The following LAMC3 variants were observed in gnomAD, a reference collection of about 807,000 sequenced individuals.
The protein encoded by LAMC3 is laminin subunit gamma-3.
A neutral mutation model predicts 173.8 loss-of-function variants in LAMC3; 128 were observed. The observed-to-expected ratio is 0.74, with a 90% CI of 0.64 to 0.85. LAMC3 has a LOEUF of 0.85. Ranked by LOEUF, LAMC3 falls within the 40% of genes least tolerant of loss-of-function variation. The pLI is 0.00. For missense variants in LAMC3, 2,022 were observed against 2,156.0 expected (o/e 0.94, Z 1.23); for synonymous variants, 897 against 909.1 (o/e 0.99, Z 0.24).
chr9:131,087,515 C>T lies in LAMC3; in HGVS notation c.4270C>T (p.Arg1424Cys), dbSNP rs1239069996. The change falls in exon 26 of 28, where the codon CGC (arginine) becomes TGC (cysteine). Residue 1424 changes from arginine (R) to cysteine (C), a missense_variant. Transcript: ENST00000361069. ...ALLRERKQAH[R>C]RASRLTSQTQ... ...GCTGAGGGAGCGGAAACAGGCGCAC[C>T]GCCGTGCCAGCAGGCTCACCAGCCA... 12 of 1,613,692 alleles carry T rather than the reference C, an allele frequency of 7.4e-6. No individual in the cohort carries two copies. The highest frequency in any genetic ancestry group is 6.7e-5 in the East Asian group (3 of 44,898).
intron 9 of LAMC3, 31 bp downstream of exon 9, chr9:131,049,161 C>T (rs1030860771): frequency 7.5e-7 from 1 of 1,337,942 alleles, no homozygotes. Context: ...GGGCTGGCCG[C>T]CCTGTGTCGG....
intron 27 of LAMC3, among the ~76,000 whole-genome samples, chr9:131,089,916 G>A (rs1373149337): frequency 1.4e-5 from 2 of 146,388 alleles, no homozygotes; most frequent in Non-Finnish European, 3.0e-5. Flanking sequence ...TTGCCGTTTT[G>A]CAGATGAGGA....
intron 1 of LAMC3, among the ~76,000 whole-genome samples, chr9:131,018,143 T>C (rs1207277035): frequency 1.3e-5 from 2 of 151,568 alleles, no homozygotes; most frequent in Admixed American, 1.3e-4. Context: ...GATCTTTTTT[T>C]TTTTTTTTCT....
At chr9:131,054,572 G>C (rs553249471) in intron 11 of LAMC3, among the ~76,000 whole-genome samples, 2 of 152,074 alleles carry the variant, frequency 1.3e-5, no homozygotes, top group African/African-American at 2.4e-5. Flanking sequence ...TGGGCAATAT[G>C]GTGAAACCCC....
At chr9:131,048,047 ATTTTTTTTTTTT>A (rs59291636) in intron 8 of LAMC3, among the ~76,000 whole-genome samples, 4 of 53,392 alleles carry the variant, frequency 7.5e-5, no homozygotes, top group South Asian at 9.4e-4. Context: ...CACCCAGCTG[ATTTTTTTTTTTT>A]TTTTTTTTTT....
chr9:131,056,854 C>T, intron 11 of LAMC3, 75 bp from the exon 12 acceptor site: 1 of 1,189,424 alleles, frequency 8.4e-7, no homozygotes, highest in Non-Finnish European at 1.2e-6. Flanking sequence ...CATATGTGAA[C>T]AGGAAGGTTT....
chr9:131,035,679 T>C (rs1833930409), intron 3 of LAMC3, among the ~76,000 whole-genome samples: 1 of 152,108 alleles, frequency 6.6e-6, no homozygotes, highest in Non-Finnish European at 1.5e-5. Context: ...CTGTCCCTGT[T>C]TGGGGTACCT....
At chr9:131,071,734 C>A in intron 18 of LAMC3, 109 bp downstream of exon 18, 1 of 1,179,672 alleles carries the variant, frequency 8.5e-7, no homozygotes, top group Non-Finnish European at 1.2e-6. Context: ...AGCCCTGTTG[C>A]CATGGGCCTT....
At chr9:131,084,724 C>T (rs1830300030) in intron 24 of LAMC3, among the ~76,000 whole-genome samples, 1 of 150,398 alleles carries the variant, frequency 6.6e-6, no homozygotes, top group South Asian at 2.2e-4. Flanking sequence ...TGGTGAAACT[C>T]CATCTCTACT....
At chr9:131,018,092 T>C (rs1279717031) in intron 1 of LAMC3, among the ~76,000 whole-genome samples, 1 of 151,080 alleles carries the variant, frequency 6.6e-6, no homozygotes, top group Non-Finnish European at 1.5e-5. Flanking sequence ...AAAAAGTTTC[T>C]TCCAAAGGCA....
Position 131,083,024 on chromosome 9 carries a change from C to T in LAMC3, c.4030+863C>T, listed in dbSNP as rs1405174548. Among the ~76,000 whole-genome samples the T allele has an allele frequency of 2.6e-5, 4 of 152,138 alleles. No homozygotes were observed. In the East Asian group the frequency reaches 5.8e-4, roughly 22 times the overall value. Reference sequence around the variant, plus strand: ...CACCCATCGTTTGGGGACTTCCTGTCGGAAAGGCGTGGCCGTGTGTGCTTA... The same window carrying T: ...CACCCATCGTTTGGGGACTTCCTGTTGGAAAGGCGTGGCCGTGTGTGCTTA... On this transcript the variant is annotated intron_variant, in intron 24 of 27. Transcript: ENST00000361069.
At position 131,070,884 on chromosome 9, in the gene LAMC3, A is replaced by C. The variant is rs142973088; in HGVS notation, c.3070-600A>C. Among the ~76,000 whole-genome samples, 535 of 152,306 alleles carry C rather than the reference A, an allele frequency of 3.5e-3. 1 individual carries two copies. Among genetic ancestry groups the C allele is most frequent in the South Asian group, 6.8e-3 (33 of 4,828 alleles). The stretch of plus-strand genomic sequence containing the variant: ...TTTTCAGAACAGGTTTATTTCAGGT[A>C]AGGTTTTGCTCTCGAGTGAGGAATG... On this transcript the variant is annotated intron_variant, in intron 17 of 27. Transcript: ENST00000361069.
At chr9:131,048,960 C>T (rs975630693) in intron 8 of LAMC3, 60 bp from the exon 9 acceptor site, 4 of 1,107,746 alleles carry the variant, frequency 3.6e-6, no homozygotes, top group Non-Finnish European at 3.9e-6. Context: ...GGGGCTGGCA[C>T]CTGGAGACCA....
chr9:131,039,324 T>TCCCTC, intron 6 of LAMC3, 76 bp downstream of exon 6: 1 of 1,178,598 alleles, frequency 8.5e-7, no homozygotes, highest in Middle Eastern at 1.9e-4. Flanking sequence ...CTGTCAGCAG[T>TCCCTC]CCCTCCCCTC....
intron 2 of LAMC3, 93 bp from the exon 3 acceptor site, chr9:131,031,952 C>T (rs1310877046): frequency 2.9e-5 from 47 of 1,608,920 alleles, no homozygotes; most frequent in Admixed American, 6.7e-5. Flanking sequence ...CAGGAGCTCC[C>T]GGGGCAGCCA....
intron 11 of LAMC3, among the ~76,000 whole-genome samples, chr9:131,054,760 A>G (rs1452166370): frequency 6.6e-6 from 1 of 150,576 alleles, no homozygotes; most frequent in East Asian, 1.9e-4. Flanking sequence ...AAGAAAGAAA[A>G]AGAAAGAGAG....
rs781367754 is a variant in LAMC3 at position 131,026,535 on chromosome 9, C to T, written c.624C>T (p.Ser208=). The part of the protein sequence containing the change: ...SPLSGGNVAF[S]TLEGRPSAYN... Reference sequence around the variant, plus strand: ...TGAGTGGCGGCAACGTGGCCTTCTCCACCCTGGAGGGCCGGCCCAGCGCCT... The same window carrying T: ...TGAGTGGCGGCAACGTGGCCTTCTCTACCCTGGAGGGCCGGCCCAGCGCCT... The change falls in exon 2 of 28, where the codon TCC becomes TCT. Residue 208 remains serine, a synonymous_variant. Coordinates refer to ENST00000361069, the MANE Select transcript of LAMC3 (RefSeq NM_006059.4). This position sits in a 1 kb window ranked among gnomAD's most constrained non-coding sequence, Gnocchi z 4.8. 1.9e-6 allele frequency: 3 copies of T among 1,611,200 alleles called. No individual in the cohort carries two copies. The highest frequency in any genetic ancestry group is 2.5e-6 in the Non-Finnish European group (3 of 1,179,238).
intron 9 of LAMC3, among the ~76,000 whole-genome samples, chr9:131,051,229 C>T (rs10793984): frequency 6.6e-5 from 10 of 151,822 alleles, no homozygotes; most frequent in Admixed American, 4.6e-4. Flanking sequence ...AATATAAACA[C>T]TTTTTTTCCC....
At chr9:131,043,812 AAG>A (rs772414315) in intron 7 of LAMC3, among the ~76,000 whole-genome samples, 9 of 152,182 alleles carry the variant, frequency 5.9e-5, no homozygotes, top group Admixed American at 1.3e-4. Context: ...ACTTTAAGGA[AAG>A]AGAGGATATT....
Sources: gnomAD v4.1 joint callset for allele counts (sites outside exome capture counted in the v4.1 genomes callset) on GRCh38, gnomAD v4.1.1 for gene constraint, Gnocchi (gnomAD v3.1) non-coding constraint, MANE v1.5 for transcripts, NCBI Gene and HGNC (gene_info 2026-07-23, HGNC 2026-07-21) for gene names.